Variants in DENND1A observed in about 807,000 individuals in gnomAD.
DENND1A encodes the protein DENN domain-containing protein 1A.
A neutral mutation model predicts 113.7 loss-of-function variants in DENND1A; 51 were observed. That is an observed-to-expected ratio of 0.45 (90% CI 0.36 to 0.57). DENND1A has a LOEUF of 0.57. Among genes scored for constraint, DENND1A ranks in the 20% least tolerant of loss-of-function variants. The pLI is 0.00. For synonymous variants in DENND1A, 565 were observed against 570.8 expected (o/e 0.99, Z 0.14); for missense variants, 1,258 against 1,395.9 (o/e 0.90, Z 1.57).
intron 9 of DENND1A, among the ~76,000 whole-genome samples, chr9:123,642,309 G>A (rs1486926349): frequency 1.3e-5 from 2 of 152,228 alleles, no homozygotes; most frequent in Non-Finnish European, 2.9e-5. Context: ...GTCCATGGAA[G>A]TTCCTTTATT....
intron 1 of DENND1A, among the ~76,000 whole-genome samples, chr9:123,899,390 C>T (rs1434851166): frequency 6.6e-6 from 1 of 152,104 alleles, no homozygotes; most frequent in Non-Finnish European, 1.5e-5. Flanking sequence ...CCCCCATATT[C>T]AATTAATTTA....
At chr9:123,730,449 A>G (rs1032733695) in intron 5 of DENND1A, among the ~76,000 whole-genome samples, 3 of 152,222 alleles carry the variant, frequency 2.0e-5, no homozygotes, top group African/African-American at 7.2e-5. Flanking sequence ...GGCAAAGGAT[A>G]TGAACAGACA....
intron 5 of DENND1A, among the ~76,000 whole-genome samples, chr9:123,721,590 G>A (rs778994485): frequency 4.6e-5 from 7 of 152,190 alleles, no homozygotes; most frequent in East Asian, 1.9e-4. Flanking sequence ...CCCATATGTC[G>A]TGGGAGCAAC....
rs571444497 is a variant in DENND1A, at chr9:123,690,140, AGGAG to A, written c.303-13355_303-13352del. Among the ~76,000 whole-genome samples, 108 of 44,970 alleles carry A rather than the reference AGGAG, an allele frequency of 2.4e-3. 1 individual carries two copies. The South Asian group carries it at 0.042, about 17-fold the overall frequency. The allele number at this position is 44,970 out of a possible 152,430, so 29.5% of individuals were successfully genotyped here. ...AAAGGAGGGAGGGGGGAAGAAGGAA[AGGAG>A]GGAGGGAGGGAGGGAGGAAGGAGGA... is the stretch of plus-strand genomic sequence containing the variant. On this transcript the variant is annotated intron_variant, in intron 5 of 23. Transcript: ENST00000394215.
intron 8 of DENND1A, among the ~76,000 whole-genome samples, chr9:123,654,736 T>C (rs1364629600): frequency 6.6e-6 from 1 of 152,200 alleles, no homozygotes; most frequent in Admixed American, 6.5e-5. Flanking sequence ...TACCAAGATA[T>C]TTGTGTCTAA....
chr9:123,895,812 T>C (rs1202477288), intron 1 of DENND1A, among the ~76,000 whole-genome samples: 1 of 152,122 alleles, frequency 6.6e-6, no homozygotes, highest in Non-Finnish European at 1.5e-5. Flanking sequence ...ACATTCAGCC[T>C]AAGGAGAAAA....
At chr9:123,538,006 C>T (rs1177984896) in intron 13 of DENND1A, among the ~76,000 whole-genome samples, 1 of 152,216 alleles carries the variant, frequency 6.6e-6, no homozygotes, top group African/African-American at 2.4e-5. Flanking sequence ...GAGAGGGAGA[C>T]AGTGTCTTGC....
chr9:123,772,867 A>G (rs991029711), intron 3 of DENND1A, among the ~76,000 whole-genome samples: 1 of 152,278 alleles, frequency 6.6e-6, no homozygotes. Flanking sequence ...TCTTTTCATA[A>G]TCAAAACACT....
rs371312589 is a variant in DENND1A at position 123,540,582 on chromosome 9, C to A, written c.993+16988G>T. Among the ~76,000 whole-genome samples, 10 of 152,288 alleles carry A rather than the reference C, an allele frequency of 6.6e-5. 1 individual carries two copies. The highest frequency in any genetic ancestry group is 2.0e-4 in the Admixed American group (3 of 15,292). ...AAAAGAAGTGATGAGTTCCTTTGAG[C>A]CCAGCAGTCACAGAGACCCTCCTTT... On this transcript the variant is annotated intron_variant, in intron 13 of 23. Coordinates refer to ENST00000394215, the MANE Select transcript of DENND1A (RefSeq NM_001352964.2).
chr9:123,470,548 C>T (rs2049324787), intron 13 of DENND1A, among the ~76,000 whole-genome samples: 1 of 152,160 alleles, frequency 6.6e-6, no homozygotes, highest in Non-Finnish European at 1.5e-5. Flanking sequence ...CTGATAGGCC[C>T]CTAGAGCAAC....
intron 13 of DENND1A, among the ~76,000 whole-genome samples, chr9:123,514,361 G>A (rs1055168845): frequency 5.3e-5 from 8 of 151,996 alleles, no homozygotes; most frequent in African/African-American, 1.4e-4. Flanking sequence ...TGGAGGTGGT[G>A]GGTTGGCATG....
At chr9:123,599,433 A>G (rs2059847784) in intron 11 of DENND1A, among the ~76,000 whole-genome samples, 1 of 152,246 alleles carries the variant, frequency 6.6e-6, no homozygotes, top group Non-Finnish European at 1.5e-5. Flanking sequence ...ACGACTGTTG[A>G]GCTATCTTCT....
chr9:123,450,155 CCCCACT>C (rs2047606684), intron 18 of DENND1A, among the ~76,000 whole-genome samples: 1 of 152,126 alleles, frequency 6.6e-6, no homozygotes, highest in South Asian at 2.1e-4. Context: ...GCCCTCCCCT[CCCCACT>C]CAGAGTCTCA....
chr9:123,768,387 T>C (rs1183357944), intron 4 of DENND1A, among the ~76,000 whole-genome samples: 1 of 152,312 alleles, frequency 6.6e-6, no homozygotes, highest in East Asian at 1.9e-4. Context: ...ACGACAGTGG[T>C]ATTACAATGT....
intron 2 of DENND1A, among the ~76,000 whole-genome samples, chr9:123,871,515 A>G (rs190458972): frequency 3.3e-5 from 5 of 152,350 alleles, no homozygotes; most frequent in African/African-American, 9.6e-5. Flanking sequence ...AAACTTCAGA[A>G]TAACAAATCT....
rs571190633 is a variant in DENND1A, at chr9:123,552,208, T to G, written c.993+5362A>C. Among the ~76,000 whole-genome samples the G allele has an allele frequency of 2.0e-5, 3 of 152,254 alleles. No individual in the cohort carries two copies. The South Asian group carries it at 6.2e-4, about 32-fold the overall frequency. Reference sequence around the variant, plus strand: ...TTACAGAGCCAGGCAGGCCACGGACTGGAGCTGTCCCCCAACGGGCTCCAG... The same window carrying G: ...TTACAGAGCCAGGCAGGCCACGGACGGGAGCTGTCCCCCAACGGGCTCCAG... On this transcript the variant is annotated intron_variant, in intron 13 of 23. Transcript: ENST00000394215.
intron 14 of DENND1A, 88 bp from the exon 15 acceptor site, chr9:123,457,523 T>G (rs1017059871): frequency 9.0e-7 from 1 of 1,115,158 alleles, no homozygotes; most frequent in African/African-American, 1.6e-5. Flanking sequence ...GTATCCAAGG[T>G]AGGAGTTTTC....
At chr9:123,924,815 T>A (rs1856825012) in intron 1 of DENND1A, among the ~76,000 whole-genome samples, 1 of 152,194 alleles carries the variant, frequency 6.6e-6, no homozygotes, top group Non-Finnish European at 1.5e-5. Flanking sequence ...CTCTCTGCCA[T>A]CAGTCACTAC....
rs1590289189 is a variant in DENND1A, at chr9:123,835,162, T to TA, written c.89-42533_89-42532insT. 2.7e-5 allele frequency among the ~76,000 whole-genome samples: 4 copies of TA among 147,030 alleles called. No homozygotes were observed. The East Asian group carries it at 7.9e-4, about 29-fold the overall frequency. On this transcript the variant is annotated intron_variant, in intron 2 of 23. Coordinates refer to ENST00000394215, the MANE Select transcript of DENND1A (RefSeq NM_001352964.2). ...TCTTCTATTATACTCGGTGAACTAA[T>TA]CAGGACAATGAAACCAAATAAAACA...
Sources: allele counts gnomAD v4.1 joint callset (sites outside exome capture counted in the v4.1 genomes callset), GRCh38; gene constraint gnomAD v4.1.1; transcripts MANE v1.5; gene names NCBI Gene and HGNC (gene_info 2026-07-23, HGNC 2026-07-21).